The following ZNF493 variants were observed in gnomAD, a reference collection of about 807,000 sequenced individuals.
The protein encoded by ZNF493 is zinc finger protein 493.
Under a neutral mutation model 12.2 loss-of-function variants are expected in ZNF493, and 11 were observed. That is an observed-to-expected ratio of 0.90 (90% CI 0.57 to 1.50). The LOEUF is 1.50. ZNF493 is among the 40% of genes most tolerant of loss of function. The pLI, the probability that ZNF493 is intolerant of heterozygous loss-of-function variation, is 0.00. For synonymous variants in ZNF493, 286 were observed against 302.6 expected, an observed-to-expected ratio of 0.95 and a Z score of 0.57; for missense variants, 950 against 906.6, an observed-to-expected ratio of 1.05 and a Z score of -0.61.
intron 3 of ZNF493, among the ~76,000 whole-genome samples, chr19:21,421,488 C>G (rs890584460): frequency 6.6e-6 from 1 of 152,102 alleles, no homozygotes. Flanking sequence ...GCCTCAGACT[C>G]CCAAGTAGAT....
chr19:21,405,888 G>A (rs1599731341), intron 3 of ZNF493, 32 bp downstream of exon 3: 1 of 351,788 alleles, frequency 2.8e-6, no homozygotes, highest in Non-Finnish European at 5.3e-6. Flanking sequence ...AGTTGACATA[G>A]ATGAAAGGTT....
In ZNF493 at chr19:21,408,424, C is replaced by T. The variant is rs187665650; in HGVS notation, c.253+2568C>T. The T allele has an allele frequency of 2.6e-4, 256 of 984,616 alleles. 1 individual carries two copies. Among genetic ancestry groups the T allele is most frequent in the Middle Eastern group, 5.2e-4 (1 of 1,912 alleles). The allele number at this position is 984,616 out of a possible 1,614,324, so 61.0% of individuals were successfully genotyped here. On this transcript the variant is annotated intron_variant, in intron 3 of 3. Transcript: ENST00000392288. ...GATTACAGACGTGAGCCACCACCCC[C>T]GGCCACTTGTTTCTTTTAAATGCTT...
At chr19:21,420,939 G>A (rs993498167) in intron 3 of ZNF493, among the ~76,000 whole-genome samples, 2 of 151,384 alleles carry the variant, frequency 1.3e-5, no homozygotes, top group Non-Finnish European at 2.9e-5. Context: ...AGTAGAGATG[G>A]GTTCCCCCAT....
chr19:21,418,954 G>A (rs1250710928), intron 3 of ZNF493, among the ~76,000 whole-genome samples: 1 of 152,170 alleles, frequency 6.6e-6, no homozygotes, highest in African/African-American at 2.4e-5. Flanking sequence ...GTGCTGCAGA[G>A]ATTTTCTTTA....
intron 3 of ZNF493, among the ~76,000 whole-genome samples, chr19:21,419,956 T>C (rs936424093): frequency 2.6e-5 from 4 of 152,090 alleles, no homozygotes; most frequent in African/African-American, 9.7e-5. Context: ...CTCTTGACCA[T>C]ACCCACTAAA....
At position 21,424,416 on chromosome 19, in the gene ZNF493, C is replaced by G. The variant is rs1033858784; in HGVS notation, c.1757C>G (p.Ser586Ter). ...TGTGGCAAATCCTTTAGTGTATTCT[C>G]AACCCTTACTAAACACAAGATAATT... ...KECGKSFSVF[S>*]TLTKHKIIHT... is the part of the protein sequence containing the mutation. The change falls in exon 4 of 4, where the codon TCA becomes TGA. Residue 586 changes from serine (S) to a stop codon, truncating the protein, a stop_gained. Coordinates refer to ENST00000392288, the MANE Select transcript of ZNF493 (RefSeq NM_001076678.3). LOFTEE classifies it low-confidence loss of function (END_TRUNC). 2.8e-5 allele frequency: 45 copies of G among 1,613,206 alleles called. No homozygotes were observed. The highest frequency in any genetic ancestry group is 3.7e-5 in the Non-Finnish European group (44 of 1,179,668).
intron 3 of ZNF493, chr19:21,413,445 T>G: frequency 2.5e-6 from 1 of 405,168 alleles, no homozygotes; most frequent in Admixed American, 4.3e-5. Flanking sequence ...TCATTGTGAC[T>G]GGTTGTCCCA....
At position 21,420,602 on chromosome 19, in the gene ZNF493, T is replaced by TATATATATATATATAA. The variant is rs1555731612; in HGVS notation, c.254-2296_254-2295insAATATATATATATATA. Among the ~76,000 whole-genome samples, 3 of 12,890 alleles carry TATATATATATATATAA rather than the reference T, an allele frequency of 2.3e-4. 1 individual carries two copies. The highest frequency in any genetic ancestry group is 1.2e-3 in the African/African-American group (3 of 2,538). The allele number at this position is 12,890 out of a possible 152,430, so 8.5% of individuals were successfully genotyped here. On this transcript the variant is annotated intron_variant, in intron 3 of 3. Coordinates refer to ENST00000392288, the MANE Select transcript of ZNF493 (RefSeq NM_001076678.3). ...TTATACTCACTTGATTATATATATA[T>TATATATATATATATAA]ATATATATATATATATATATATTTT...
At position 21,427,034 on chromosome 19, in the gene ZNF493, T is replaced by C. The variant is rs554126128; in HGVS notation, c.*2050T>C. 4.2e-5 allele frequency: 7 copies of C among 167,164 alleles called. No homozygotes were observed. In the South Asian group the frequency reaches 1.2e-3, roughly 30 times the overall value. The allele number at this position is 167,164 out of a possible 1,614,324, so 10.4% of individuals were successfully genotyped here. A position where few individuals can be genotyped will look rare whatever the true frequency, so the allele number is the denominator to read the frequency against. ...ATTTTCTGCTGTTTCTTCATTCTTA[T>C]TCACTTGTGAAAGCTTGTGATCATT... On this transcript the variant is annotated 3_prime_UTR_variant, in exon 4 of 4. Coordinates refer to ENST00000392288, the MANE Select transcript of ZNF493 (RefSeq NM_001076678.3).
At chr19:21,420,955 T>G (rs1228951281) in intron 3 of ZNF493, among the ~76,000 whole-genome samples, 1 of 151,458 alleles carries the variant, frequency 6.6e-6, no homozygotes, top group Non-Finnish European at 1.5e-5. Context: ...CCCATGTTGG[T>G]CAGGCTGGTC....
At chr19:21,413,844 G>T (rs1180330885) in intron 3 of ZNF493, 1 of 178,640 alleles carries the variant, frequency 5.6e-6, no homozygotes, top group African/African-American at 2.4e-5. Flanking sequence ...TGGCCTTTGG[G>T]CAGGCTCAAA....
chr19:21,408,985 C>T (rs945951571), intron 3 of ZNF493, among the ~76,000 whole-genome samples: 2 of 151,102 alleles, frequency 1.3e-5, no homozygotes, highest in African/African-American at 2.4e-5. Flanking sequence ...CCCGGGTTCA[C>T]GTCATTCTCC....
At chr19:21,409,537 A>G (rs538161019) in intron 3 of ZNF493, among the ~76,000 whole-genome samples, 1 of 152,262 alleles carries the variant, frequency 6.6e-6, no homozygotes, top group African/African-American at 2.4e-5. Flanking sequence ...TGAGCCCAAA[A>G]GTGTCAGACC....
In ZNF493 at chr19:21,423,784, A is replaced by AC. The variant is rs752748057; in HGVS notation, c.1128dup (p.Tyr377LeufsTer4). ...ATAAAAGAATTCATACTGGAGAGAAACCCTACAAATGTGAAGAATGTGGCA... is the reference window on the plus strand; with the variant it reads ...ATAAAAGAATTCATACTGGAGAGAAACCCCTACAAATGTGAAGAATGTGGCA... On this transcript the variant is annotated frameshift_variant, in exon 4 of 4. Coordinates refer to ENST00000392288, the MANE Select transcript of ZNF493 (RefSeq NM_001076678.3). LOFTEE classifies it low-confidence loss of function (END_TRUNC). 6.2e-7 allele frequency: 1 copy of AC among 1,613,166 alleles called. No homozygotes were observed. Among genetic ancestry groups the AC allele is most frequent in the Admixed American group, 1.7e-5 (1 of 59,966 alleles).
intron 1 of ZNF493, among the ~76,000 whole-genome samples, chr19:21,400,662 C>A (rs934710555): frequency 6.6e-6 from 1 of 152,064 alleles, no homozygotes; most frequent in African/African-American, 2.4e-5. Context: ...TCACTCCAGC[C>A]ATGGAAGAAG....
intron 1 of ZNF493, among the ~76,000 whole-genome samples, chr19:21,404,586 A>T (rs1000944521): frequency 1.3e-5 from 2 of 152,216 alleles, no homozygotes; most frequent in Non-Finnish European, 2.9e-5. Flanking sequence ...ACAGGGCAGA[A>T]AAATTGAGTA....
At chr19:21,408,895 T>C (rs972540431) in intron 3 of ZNF493, 2 of 909,216 alleles carry the variant, frequency 2.2e-6, no homozygotes, top group Non-Finnish European at 2.6e-6. Context: ...TTTTTTTTTT[T>C]TTTTTAAGGT....
chr19:21,399,500 T>C (rs949976708), intron 1 of ZNF493, among the ~76,000 whole-genome samples: 5 of 152,200 alleles, frequency 3.3e-5, no homozygotes, highest in African/African-American at 1.2e-4. Context: ...CCTGGATTTG[T>C]CACCTTGAAG....
At chr19:21,405,886 T>C (rs374901110) in intron 3 of ZNF493, 30 bp downstream of exon 3, 7 of 435,168 alleles carry the variant, frequency 1.6e-5, no homozygotes, top group Non-Finnish European at 2.2e-5. Flanking sequence ...ACAGTTGACA[T>C]AGATGAAAGG....
Sources: allele counts gnomAD v4.1 joint callset (sites outside exome capture counted in the v4.1 genomes callset), GRCh38; gene constraint gnomAD v4.1.1; transcripts MANE v1.5; gene names NCBI Gene and HGNC (gene_info 2026-07-23, HGNC 2026-07-21).